The following CSTL1 variants were observed in gnomAD, a reference collection of about 807,000 sequenced individuals.
The protein encoded by CSTL1 is cystatin like 1.
CSTL1 carries 14 observed loss-of-function variants against 14.4 expected under a neutral mutation model. The ratio of observed to expected loss-of-function variants is 0.97; its 90% CI spans 0.64 to 1.52. The LOEUF (loss-of-function observed/expected upper bound fraction) is 1.52. CSTL1 is among the 40% of genes most tolerant of loss of function. The pLI, the probability that CSTL1 is intolerant of heterozygous loss-of-function variation, is 0.00. For missense variants in CSTL1, 170 were observed against 168.7 expected (o/e 1.01, Z -0.04); for synonymous variants, 72 against 67.5 (o/e 1.07, Z -0.33).
the CSTL1 span, among the ~76,000 whole-genome samples, chr20:23,460,758 G>A: frequency 2.0e-5 from 3 of 152,272 alleles, no homozygotes; most frequent in South Asian, 2.1e-4. Flanking sequence ...ATGGGTTAGG[G>A]AAACAGTCAG....
At chr20:23,451,055 C>T in the CSTL1 span, among the ~76,000 whole-genome samples, 2 of 152,120 alleles carry the variant, frequency 1.3e-5, no homozygotes, top group African/African-American at 2.4e-5. Context: ...ACCCATCTGT[C>T]GACCCATCAA....
At chr20:23,450,701 C>T in the CSTL1 span, 2 of 621,092 alleles carry the variant, frequency 3.2e-6, no homozygotes, top group Non-Finnish European at 5.5e-6. Context: ...CTCTCCACCC[C>T]TACAATCCTA....
At chr20:23,451,129 CT>C in the CSTL1 span, among the ~76,000 whole-genome samples, 1 of 152,164 alleles carries the variant, frequency 6.6e-6, no homozygotes, top group Non-Finnish European at 1.5e-5. Flanking sequence ...TTTATCCCTC[CT>C]TCCATCCACC....
chr20:23,448,281 G>A (rs867526043), downstream of CSTL1, among the ~76,000 whole-genome samples: 6 of 145,472 alleles, frequency 4.1e-5, no homozygotes, highest in African/African-American at 5.7e-5. Flanking sequence ...CACCCCACCC[G>A]CTCACCTTGC....
chr20:23,453,352 G>T, the CSTL1 span, among the ~76,000 whole-genome samples: 2 of 152,158 alleles, frequency 1.3e-5, no homozygotes, highest in African/African-American at 4.8e-5. Context: ...GGTGTGAAGG[G>T]AGGGAGAGTC....
chr20:23,445,010 A>G (rs542434353), downstream of CSTL1: 4 of 680,740 alleles, frequency 5.9e-6, no homozygotes, highest in East Asian at 1.1e-4. Context: ...ACACTTGCAC[A>G]TACTTACCTT....
the CSTL1 span, among the ~76,000 whole-genome samples, chr20:23,459,872 A>G: frequency 6.6e-6 from 1 of 152,206 alleles, no homozygotes; most frequent in African/African-American, 2.4e-5. Context: ...AGACTCCTGT[A>G]ATATCCTGAC....
downstream of CSTL1, among the ~76,000 whole-genome samples, chr20:23,447,965 T>C (rs1987001111): frequency 6.6e-6 from 1 of 152,358 alleles, no homozygotes; most frequent in South Asian, 2.1e-4. Context: ...TTTATTTATA[T>C]GGTCTAATTG....
At chr20:23,441,923 T>C (rs1233139840) in intron 2 of CSTL1, among the ~76,000 whole-genome samples, 1 of 152,034 alleles carries the variant, frequency 6.6e-6, no homozygotes, top group Non-Finnish European at 1.5e-5. Flanking sequence ...GAGGGCAGCG[T>C]GGGGAGGACC....
the CSTL1 span, among the ~76,000 whole-genome samples, chr20:23,461,156 A>AT: frequency 6.6e-6 from 1 of 152,218 alleles, no homozygotes; most frequent in African/African-American, 2.4e-5. Context: ...ATTATGACTC[A>AT]CTGAAGGCAC....
the CSTL1 span, among the ~76,000 whole-genome samples, chr20:23,457,299 C>T: frequency 6.6e-6 from 1 of 152,168 alleles, no homozygotes; most frequent in Non-Finnish European, 1.5e-5. Flanking sequence ...GATCACCTCC[C>T]TCAGAACTTC....
rs771083071 is a variant in CSTL1 at position 23,443,974 on chromosome 20, G to A, written c.260G>A (p.Gly87Asp). 2.1e-5 allele frequency: 34 copies of A among 1,614,050 alleles called. No homozygotes were observed. Among genetic ancestry groups the A allele is most frequent in the Non-Finnish European group, 2.6e-5 (31 of 1,179,992 alleles). Residue 87 changes from glycine (G) to aspartate (D), a missense_variant, in exon 3 of 4, where the codon GGC becomes GAC. Transcript: ENST00000347397. ...GAGTATATAGTCACTGTGAAGATTG[G>A]CTGGACCAAATGCAAGAGGAATGAC... ...GVEYIVTVKIGWTKCKRNDTS... is the reference protein window; with the variant it reads ...GVEYIVTVKIDWTKCKRNDTS...
chr20:23,459,388 C>G, the CSTL1 span: 1 of 152,270 alleles, frequency 6.6e-6, no homozygotes, highest in South Asian at 2.1e-4. Context: ...AAATAGTTCT[C>G]ATTCATGCTA....
Position 23,444,782 on chromosome 20 carries a change from C to G in CSTL1, c.342C>G (p.Cys114Trp), listed in dbSNP as rs200735623. The G allele has an allele frequency of 6.2e-7, 1 of 1,610,022 alleles. No individual in the cohort carries two copies. Among genetic ancestry groups the G allele is most frequent in the East Asian group, 2.2e-5 (1 of 44,858 alleles). The change falls in exon 4 of 4, where the codon TGC (cysteine) becomes TGG (tryptophan). Residue 114 changes from cysteine to tryptophan, a missense_variant. Physicochemically the swap from Cys to Trp is radical, Grantham distance 215. Transcript: ENST00000347397. ...TTCTTCTTCTACAGAGTTTAATTTG[C>G]GAGTCTTTGATATACACCATGCCCT... ...QSKKLRKSLI[C>W]ESLIYTMPWI...
chr20:23,444,975 G>A, downstream of CSTL1: 2 of 793,316 alleles, frequency 2.5e-6, no homozygotes, highest in East Asian at 2.6e-5. Context: ...ACACACACAT[G>A]CACACACAGA....
the CSTL1 span, among the ~76,000 whole-genome samples, chr20:23,454,469 A>G: frequency 6.6e-6 from 1 of 152,120 alleles, no homozygotes; most frequent in African/African-American, 2.4e-5. Context: ...ACACAGACAT[A>G]CATACCTGCA....
rs757462158 is a variant in CSTL1 at position 23,440,314 on chromosome 20, T to C, written c.47T>C (p.Leu16Pro). 6.2e-7 allele frequency: 1 copy of C among 1,614,216 alleles called. No homozygotes were observed. Among genetic ancestry groups the C allele is most frequent in the Non-Finnish European group, 8.5e-7 (1 of 1,180,040 alleles). ...WRNPLLLLIA[L>P]VLSAKLGHFQ... is the part of the protein sequence containing the mutation. ...AACCCCCTGCTGCTGCTGATTGCCC[T>C]GGTCCTGTCAGCCAAGCTGGGTCAC... The change falls in exon 2 of 4, where the codon CTG becomes CCG. Residue 16 changes from leucine (L) to proline (P), a missense_variant. Transcript: ENST00000347397.
Position 23,440,422 on chromosome 20 carries a change from A to G in CSTL1, c.155A>G (p.Tyr52Cys), listed in dbSNP as rs140584733. 3.7e-5 allele frequency: 60 copies of G among 1,614,168 alleles called. No individual in the cohort carries two copies. The African/African-American group carries it at 6.7e-4, about 18-fold the overall frequency. The change falls in exon 2 of 4, where the codon TAC becomes TGC. Residue 52 changes from tyrosine (Y) to cysteine (C), a missense_variant. Tyr to Cys is a radical substitution (Grantham distance 194, BLOSUM62 -2). Coordinates refer to ENST00000347397, the MANE Select transcript of CSTL1 (RefSeq NM_138283.1). ...ACACTCAACTTCTTCATTCAATCCT[A>G]CAACAATGCCAGCAACGACACCTAC... ...NSTLNFFIQSYNNASNDTYLY... is the reference protein window; with the variant it reads ...NSTLNFFIQSCNNASNDTYLY...
the CSTL1 span, chr20:23,450,724 C>G: frequency 1.9e-6 from 1 of 537,168 alleles, no homozygotes; most frequent in Non-Finnish European, 3.3e-6. Context: ...TGACCACAAA[C>G]AGAAGGACAT....
Sources: gnomAD v4.1 joint callset for allele counts (sites outside exome capture counted in the v4.1 genomes callset) on GRCh38, gnomAD v4.1.1 for gene constraint, MANE v1.5 for transcripts, NCBI Gene and HGNC (gene_info 2026-07-23, HGNC 2026-07-21) for gene names.